BPTF: variants seen among roughly 807,000 people sequenced by gnomAD.
The protein encoded by BPTF is bromodomain PHD finger transcription factor.
In BPTF, 18 loss-of-function variants were observed where a neutral mutation model predicts 292.5. The observed-to-expected ratio is 0.06, with a 90% CI of 0.04 to 0.09. BPTF has a LOEUF of 0.09. Among genes scored for constraint, BPTF ranks in the 10% least tolerant of loss-of-function variants. The probability of loss-of-function intolerance (pLI) is 1.00; values close to 1 mark genes in which losing one functional copy is unlikely to be tolerated. For synonymous variants in BPTF, 1,225 were observed against 1,251.9 expected (o/e 0.98, Z 0.45); for missense variants, 2,726 against 3,498.7 (o/e 0.78, Z 5.57).
At chr17:67,902,490 G>T (rs2061912541) in intron 7 of BPTF, among the ~76,000 whole-genome samples, 1 of 152,160 alleles carries the variant, frequency 6.6e-6, no homozygotes, top group African/African-American at 2.4e-5. Flanking sequence ...TTGGCAGAGG[G>T]ATGGAATTTG....
chr17:67,973,048 T>C (rs973933014), intron 26 of BPTF, among the ~76,000 whole-genome samples: 27 of 144,616 alleles, frequency 1.9e-4, no homozygotes, highest in African/African-American at 6.8e-4. Context: ...TATATATATA[T>C]ATATTTTATA....
intron 1 of BPTF, among the ~76,000 whole-genome samples, chr17:67,831,619 C>G (rs2056688881): frequency 6.6e-6 from 1 of 152,112 alleles, no homozygotes; most frequent in Admixed American, 6.5e-5. Flanking sequence ...CCTCAAGACC[C>G]TGTGTCTTCC....
At chr17:67,847,943 TTA>T (rs1437606460) in intron 1 of BPTF, among the ~76,000 whole-genome samples, 3 of 152,204 alleles carry the variant, frequency 2.0e-5, no homozygotes, top group African/African-American at 7.2e-5. Flanking sequence ...CATTCATGGT[TTA>T]TATATATGTA....
In BPTF at chr17:67,854,065, A is replaced by G; in HGVS notation, c.739A>G (p.Ile247Val). ...MVPNEHIMNV[I>V]AIYEVLRNFG... ...GCCTAATGAGCATATAATGAATGTC[A>G]TTGCCATTTACGAGGTACTGCGGAA... The change falls in exon 2 of 28, where the codon ATT becomes GTT. Residue 247 changes from isoleucine to valine, a missense_variant. Physicochemically the swap from Ile to Val is conservative, Grantham distance 29 (BLOSUM62 3). Around this residue, in one of 22 missense-constraint regions of BPTF, gnomAD observed 102 missense variants for 212.6 expected, o/e 0.48. Coordinates refer to ENST00000306378, the MANE Select transcript of BPTF (RefSeq NM_182641.4). The surrounding 1 kb of genome is among the most constrained non-coding windows in gnomAD (Gnocchi z 5.6). The G allele has an allele frequency of 6.2e-7, 1 of 1,614,214 alleles. No homozygotes were observed. The highest frequency in any genetic ancestry group is 8.5e-7 in the Non-Finnish European group (1 of 1,180,040).
chr17:67,895,480 T>C (rs1368269435), intron 7 of BPTF, among the ~76,000 whole-genome samples: 1 of 150,920 alleles, frequency 6.6e-6, no homozygotes, highest in East Asian at 1.9e-4. Context: ...TTTTTTTTTT[T>C]TGACACAGGA....
chr17:67,953,776 C>T (rs1439443278), intron 23 of BPTF, among the ~76,000 whole-genome samples: 1 of 149,174 alleles, frequency 6.7e-6, no homozygotes, highest in Non-Finnish European at 1.5e-5. Flanking sequence ...GATGGGGTTT[C>T]ATCATGTTTG....
At chr17:67,868,225 A>G (rs751299959) in intron 3 of BPTF, among the ~76,000 whole-genome samples, 50 of 152,192 alleles carry the variant, frequency 3.3e-4, no homozygotes, top group Middle Eastern at 3.2e-3. Context: ...GCTGTGAAAA[A>G]TGAATCTCTC....
intron 6 of BPTF, 45 bp from the exon 7 acceptor site, chr17:67,893,989 G>A: frequency 6.2e-7 from 1 of 1,600,610 alleles, no homozygotes; most frequent in African/African-American, 1.3e-5. Flanking sequence ...TTTAATTTAA[G>A]GTCAACCTAG....
intron 5 of BPTF, among the ~76,000 whole-genome samples, chr17:67,892,617 A>G (rs1157578082): frequency 1.3e-5 from 2 of 152,036 alleles, no homozygotes. Context: ...TGCAGGGTAG[A>G]TATGCAAGAA....
intron 4 of BPTF, chr17:67,886,216 T>C: frequency 6.2e-7 from 1 of 1,614,052 alleles, no homozygotes; most frequent in Non-Finnish European, 8.5e-7. Flanking sequence ...ACAGCAGCAG[T>C]GAACTAAATT....
chr17:67,849,984 T>C (rs896668659), intron 1 of BPTF, among the ~76,000 whole-genome samples: 3 of 152,168 alleles, frequency 2.0e-5, no homozygotes, highest in African/African-American at 7.2e-5. Context: ...TCTAGGCCTA[T>C]TGAATCAGTG....
chr17:67,919,812 T>C (rs944168314), intron 12 of BPTF, among the ~76,000 whole-genome samples: 4 of 152,120 alleles, frequency 2.6e-5, no homozygotes, highest in Non-Finnish European at 5.9e-5. Flanking sequence ...TTTTGTTTCG[T>C]TTAGGAATTT....
intron 23 of BPTF, among the ~76,000 whole-genome samples, chr17:67,949,014 T>G (rs2066027748): frequency 6.6e-6 from 1 of 152,120 alleles, no homozygotes. Flanking sequence ...AATTTCTTCC[T>G]TGACTTGTAA....
chr17:67,844,070 CTTT>C (rs35407119), intron 1 of BPTF, among the ~76,000 whole-genome samples: 31 of 94,346 alleles, frequency 3.3e-4, no homozygotes, highest in East Asian at 1.3e-3. Flanking sequence ...CGGCCCCCGC[CTTT>C]TTTTTTTTTT....
intron 26 of BPTF, among the ~76,000 whole-genome samples, chr17:67,967,203 G>A (rs782681187): frequency 6.7e-5 from 10 of 148,696 alleles, no homozygotes; most frequent in Non-Finnish European, 1.2e-4. Flanking sequence ...GTGTACTAGC[G>A]CGATCTCACA....
chr17:67,863,600 A>G (rs904164348), intron 2 of BPTF, among the ~76,000 whole-genome samples: 2 of 152,066 alleles, frequency 1.3e-5, no homozygotes, highest in Admixed American at 1.3e-4. Context: ...CTTCTTTTCT[A>G]TGTGTCACCT....
chr17:67,966,542 G>A, intron 25 of BPTF, 30 bp from the exon 26 acceptor site: 1 of 1,591,990 alleles, frequency 6.3e-7, no homozygotes, highest in East Asian at 2.2e-5. Context: ...TGTTTTCACT[G>A]ACAATAATGA....
In BPTF at chr17:67,911,225, G is replaced by T; in HGVS notation, c.3341G>T (p.Gly1114Val). The T allele has an allele frequency of 6.2e-7, 1 of 1,613,854 alleles. No individual in the cohort carries two copies. Among genetic ancestry groups the T allele is most frequent in the Non-Finnish European group, 8.5e-7 (1 of 1,179,964 alleles). ...CCAGTAATAACGAAAGCAAAAGAAG[G>T]GTGTCAGAGTGACTCGATGAGACAA... The part of the protein sequence containing the change: ...ESPVITKAKE[G>V]CQSDSMRQEQ... Residue 1114 changes from glycine (G) to valine (V), a missense_variant, in exon 11 of 28, where the codon GGG becomes GTG. Transcript: ENST00000306378.
At chr17:67,887,698 G>A (rs1045757338) in intron 4 of BPTF, among the ~76,000 whole-genome samples, 2 of 152,122 alleles carry the variant, frequency 1.3e-5, no homozygotes, top group Admixed American at 1.3e-4. Context: ...ATGTAGTTGG[G>A]AAGTCCGAGC....
Sources: gnomAD v4.1 joint callset for allele counts (sites outside exome capture counted in the v4.1 genomes callset) on GRCh38, gnomAD v4.1.1 for gene constraint, gnomAD v4.1.1 regional missense constraint, Gnocchi (gnomAD v3.1) non-coding constraint, MANE v1.5 for transcripts, NCBI Gene and HGNC (gene_info 2026-07-23, HGNC 2026-07-21) for gene names.